Variants in SYBU observed in about 807,000 individuals in gnomAD.
SYBU encodes syntabulin, also known as GOLSYN A protein.
Under a neutral mutation model 35.9 loss-of-function variants are expected in SYBU, and 21 were observed. The ratio of observed to expected loss-of-function variants is 0.58; its 90% CI spans 0.41 to 0.84. SYBU has a LOEUF of 0.84. Ranked by LOEUF, SYBU falls within the 40% of genes least tolerant of loss-of-function variation. The pLI, the probability that SYBU is intolerant of heterozygous loss-of-function variation, is 0.00. For synonymous variants in SYBU, 319 were observed against 324.3 expected (o/e 0.98, Z 0.18); for missense variants, 768 against 848.2 (o/e 0.91, Z 1.17).
At chr8:109,646,728 G>A (rs1401790449), upstream of SYBU, 3 of 152,112 alleles carry the variant, frequency 2.0e-5, no homozygotes, top group Non-Finnish European at 4.4e-5. Flanking sequence ...TTGACACTGG[G>A]GACCTAATAG....
At chr8:109,645,610 T>A (rs1454526261), upstream of SYBU, 1 of 280,402 alleles carries the variant, frequency 3.6e-6, no homozygotes, top group Non-Finnish European at 7.1e-6. Flanking sequence ...ATGCCTAAAG[T>A]TTTTGTTGTT....
intron 2 of SYBU, among the ~76,000 whole-genome samples, chr8:109,627,644 A>G (rs1813134598): frequency 1.3e-5 from 2 of 152,138 alleles, no homozygotes; most frequent in Admixed American, 1.3e-4. Flanking sequence ...TTTACTCACC[A>G]CCATAAGCTA....
chr8:109,586,249 C>G (rs1823609750), intron 3 of SYBU, 87 bp from the exon 4 acceptor site: 1 of 971,784 alleles, frequency 1.0e-6, no homozygotes. Context: ...GGTCCCTGCT[C>G]CCTGCGTTTG....
At chr8:109,606,861 CA>C (rs778145001) in intron 3 of SYBU, among the ~76,000 whole-genome samples, 611 of 152,194 alleles carry the variant, frequency 4.0e-3, no homozygotes, top group Non-Finnish European at 6.6e-3. Flanking sequence ...CCTAAGTAGT[CA>C]TGAGCATAAA....
intron 3 of SYBU, among the ~76,000 whole-genome samples, chr8:109,601,255 G>T (rs1412376895): frequency 6.6e-6 from 1 of 152,144 alleles, no homozygotes; most frequent in Non-Finnish European, 1.5e-5. Context: ...TCTGAGTGAT[G>T]CTGAGACTCA....
chr8:109,667,523 G>A (rs1816801655), intron 1 of SYBU, among the ~76,000 whole-genome samples: 1 of 150,420 alleles, frequency 6.6e-6, no homozygotes, highest in South Asian at 2.1e-4. Flanking sequence ...AAAAAAAGAC[G>A]CAGTAATTTG....
Position 109,577,938 on chromosome 8 carries a change from G to T in SYBU, c.814C>A (p.Gln272Lys). 1 of 1,613,962 alleles carries T rather than the reference G, an allele frequency of 6.2e-7. No homozygotes were observed. Among genetic ancestry groups the T allele is most frequent in the Non-Finnish European group, 8.5e-7 (1 of 1,179,908 alleles). ...TGTCTCACTGTCACCTCTTTCTGCTGCAGTGGAGTCAAATACTGCTCTGGG... is the reference window on the plus strand; with the variant it reads ...TGTCTCACTGTCACCTCTTTCTGCTTCAGTGGAGTCAAATACTGCTCTGGG... ...PNPEQYLTPL[Q>K]QKEVTVRHLK... Residue 272 changes from glutamine (Q) to lysine (K), a missense_variant, in exon 6 of 7, where the codon CAG (glutamine) becomes AAG (lysine). Coordinates refer to ENST00000276646, the MANE Select transcript of SYBU (RefSeq NM_001099754.2).
At chr8:109,644,865 G>A (rs1362241954), upstream of SYBU, 6 of 548,392 alleles carry the variant, frequency 1.1e-5, no homozygotes, top group Non-Finnish European at 3.1e-6. Flanking sequence ...CCGGACACGT[G>A]GTGCCGCACT....
intron 3 of SYBU, among the ~76,000 whole-genome samples, chr8:109,607,050 G>A (rs1242244199): frequency 1.3e-5 from 2 of 152,206 alleles, no homozygotes; most frequent in Middle Eastern, 3.4e-3. Flanking sequence ...TAAAGTTACC[G>A]AACTAAAGTT....
intron 2 of SYBU, among the ~76,000 whole-genome samples, chr8:109,635,264 C>T (rs142450464): frequency 5.5e-4 from 84 of 152,272 alleles, no homozygotes; most frequent in African/African-American, 9.4e-4. Context: ...CTTAATCTTG[C>T]GGTGATACCT....
chr8:109,663,258 C>T (rs201832869), intron 1 of SYBU, among the ~76,000 whole-genome samples: 107 of 149,150 alleles, frequency 7.2e-4, no homozygotes, highest in South Asian at 1.9e-3. Flanking sequence ...AAAATACATA[C>T]AGATAGATAG....
chr8:109,632,709 C>A (rs1320147123), intron 2 of SYBU, among the ~76,000 whole-genome samples: 1 of 152,098 alleles, frequency 6.6e-6, no homozygotes, highest in Non-Finnish European at 1.5e-5. Flanking sequence ...ATTCCAGTGA[C>A]ATTCATAATA....
Position 109,578,037 on chromosome 8 carries a change from G to A in SYBU, c.735-20C>T. On this transcript the variant is annotated intron_variant, in intron 5 of 6. Coordinates refer to ENST00000276646, the MANE Select transcript of SYBU (RefSeq NM_001099754.2). Reference sequence around the variant, plus strand: ...GAACGCCTGAAACAATCCAAGTAATGAAATGTTACTTTTTGCCGTTTCCTT... The same window carrying A: ...GAACGCCTGAAACAATCCAAGTAATAAAATGTTACTTTTTGCCGTTTCCTT... 3.1e-6 allele frequency: 5 copies of A among 1,593,082 alleles called. No individual in the cohort carries two copies. Among genetic ancestry groups the A allele is most frequent in the Non-Finnish European group, 4.3e-6 (5 of 1,169,916 alleles).
intron 1 of SYBU, among the ~76,000 whole-genome samples, chr8:109,666,836 A>G (rs1019041506): frequency 1.3e-5 from 2 of 152,220 alleles, no homozygotes; most frequent in Non-Finnish European, 1.5e-5. Context: ...ACTATACTAC[A>G]TTTATTTTTT....
chr8:109,659,624 A>G (rs1261493524), intron 1 of SYBU, among the ~76,000 whole-genome samples: 1 of 152,160 alleles, frequency 6.6e-6, no homozygotes, highest in Non-Finnish European at 1.5e-5. Flanking sequence ...CATTCATAAG[A>G]GCACTTCAAT....
intron 3 of SYBU, among the ~76,000 whole-genome samples, chr8:109,615,997 C>CTTTTTTTTTTTTTT (rs144362049): frequency 1.0e-5 from 1 of 96,048 alleles, no homozygotes; most frequent in South Asian, 4.3e-4. Flanking sequence ...CTTTTCTTTT[C>CTTTTTTTTTTTTTT]TTTTCTTTCT....
At chr8:109,644,520 T>G in intron 1 of SYBU, 116 bp downstream of exon 1, 1 of 1,281,398 alleles carries the variant, frequency 7.8e-7, no homozygotes, top group Non-Finnish European at 1.1e-6. Flanking sequence ...CACCACCTCC[T>G]TCCACCTTTC....
upstream of SYBU, among the ~76,000 whole-genome samples, chr8:109,682,823 C>A (rs1210196196): frequency 6.6e-6 from 1 of 152,220 alleles, no homozygotes; most frequent in Non-Finnish European, 1.5e-5. Flanking sequence ...GCCCAGGGCT[C>A]CCCTGCTGTG....
In SYBU at chr8:109,691,234, AGC is replaced by A; in HGVS notation, c.-58+97_-58+98del. On this transcript the variant is annotated intron_variant, in intron 1 of 7. Transcript: ENST00000422135. The surrounding 1 kb of genome is among the most constrained non-coding windows in gnomAD (Gnocchi z 4.7). ...TGGAAAGGGTGGTCCTGGGGTCCGG[AGC>A]GCCCCATCACTGCCCTCATTGTACC... 5.9e-6 allele frequency: 4 copies of A among 677,650 alleles called. No homozygotes were observed. The highest frequency in any genetic ancestry group is 1.1e-5 in the Non-Finnish European group (4 of 372,758). 42.0% of individuals were successfully genotyped at this position (677,650 alleles called of 1,614,324 possible).
Sources: allele counts gnomAD v4.1 joint callset (sites outside exome capture counted in the v4.1 genomes callset), GRCh38; gene constraint gnomAD v4.1.1; non-coding constraint Gnocchi (gnomAD v3.1); transcripts MANE v1.5; gene names NCBI Gene and HGNC (gene_info 2026-07-23, HGNC 2026-07-21).